The following UBXN1 variants were observed in gnomAD, a reference collection of about 807,000 sequenced individuals.
UBXN1 encodes UBX domain protein 1.
UBXN1 carries 21 observed loss-of-function variants against 42.0 expected under a neutral mutation model. The observed-to-expected ratio is 0.50, with a 90% CI of 0.35 to 0.72. The LOEUF (loss-of-function observed/expected upper bound fraction) is 0.72. Among genes scored for constraint, UBXN1 ranks in the 30% least tolerant of loss-of-function variants. UBXN1 has a pLI of 0.00. For missense variants in UBXN1, 374 were observed against 382.2 expected, an observed-to-expected ratio of 0.98 and a Z score of 0.18; for synonymous variants, 172 against 142.6, an observed-to-expected ratio of 1.21 and a Z score of -1.47.
chr11:62,678,167 G>A (rs745961869), intron 4 of UBXN1, 49 bp from the exon 5 acceptor site: 32 of 1,606,604 alleles, frequency 2.0e-5, no homozygotes, highest in African/African-American at 4.0e-5. Context: ...AGAGTGGGAA[G>A]GTGTAAAGTT....
chr11:62,678,779 C>T, intron 1 of UBXN1, 36 bp from the exon 2 acceptor site: 1 of 1,612,958 alleles, frequency 6.2e-7, no homozygotes, highest in Non-Finnish European at 8.5e-7. Flanking sequence ...CGCCCACGAG[C>T]CATGGTGACG....
chr11:62,678,368 ACTCAAAGCGGGTTTGC>A lies in UBXN1; in HGVS notation c.245_260del (p.Gly82ValfsTer72), dbSNP rs1240901289. 6.2e-7 allele frequency: 1 copy of A among 1,614,056 alleles called. No homozygotes were observed. On this transcript the variant is annotated frameshift_variant, in exon 4 of 9. Transcript: ENST00000301935. LOFTEE classifies it high-confidence loss of function. ...TAGTTTGTTCCTGTCTTTCCTCTTCACTCAAAGCGGGTTTGCCTTCTCCGGCAGCAGAACCAGATCC... is the reference window on the plus strand; with the variant it reads ...TAGTTTGTTCCTGTCTTTCCTCTTCACTTCTCCGGCAGCAGAACCAGATCC...
Position 62,677,916 on chromosome 11 carries a change from C to T in UBXN1, c.482+11G>A. 1.2e-6 allele frequency: 2 copies of T among 1,613,794 alleles called. No individual in the cohort carries two copies. The highest frequency in any genetic ancestry group is 1.7e-6 in the Non-Finnish European group (2 of 1,179,704). On this transcript the variant is annotated intron_variant, in intron 5 of 8. Transcript: ENST00000301935. ...TTCTCATCTGCTATCCATCATTTCCCCTGCCCAGACCTGGCTGCTAACTCC... is the reference window on the plus strand; with the variant it reads ...TTCTCATCTGCTATCCATCATTTCCTCTGCCCAGACCTGGCTGCTAACTCC...
Position 62,678,106 on chromosome 11 carries a change from C to G in UBXN1, c.303G>C (p.Leu101=), listed in dbSNP as rs1349435686. 2.5e-6 allele frequency: 4 copies of G among 1,613,984 alleles called. No individual in the cohort carries two copies. Among genetic ancestry groups the G allele is most frequent in the African/African-American group, 1.3e-5 (1 of 74,930 alleles). The change falls in exon 5 of 9, where the codon CTG becomes CTC. Residue 101 remains leucine, a synonymous_variant. Coordinates refer to ENST00000301935, the MANE Select transcript of UBXN1 (RefSeq NM_001286077.2). The stretch of plus-strand genomic sequence containing the variant: ...CACGCTCCCGCTGCTTCTGGGCCAC[C>G]AGCTCCAACATCCTGTGTTGCCGAG... ...RQEQTKRMLE[L]VAQKQREREE...
Position 62,676,830 on chromosome 11 carries a change from C to A in UBXN1, c.827G>T (p.Arg276Leu). Reference protein sequence around the residue: ...RRAFSEADMERPLQELGLVPS... With the variant: ...RRAFSEADMELPLQELGLVPS... ...AGCCATACCCAGCTCCTGCAGAGGC[C>A]GCTCCATGTCAGCTTCTGAGAAGGC... is the stretch of plus-strand genomic sequence containing the variant. Residue 276 changes from arginine to leucine, a missense_variant, in exon 8 of 9, where the codon CGG (arginine) becomes CTG (leucine). Transcript: ENST00000301935. 1 of 1,614,166 alleles carries A rather than the reference C, an allele frequency of 6.2e-7. No individual in the cohort carries two copies. Among genetic ancestry groups the A allele is most frequent in the Non-Finnish European group, 8.5e-7 (1 of 1,180,032 alleles).
rs370914438 is a variant in UBXN1 at position 62,678,617 on chromosome 11, G to C, written c.114-16C>G. 6.2e-6 allele frequency: 10 copies of C among 1,612,802 alleles called. No individual in the cohort carries two copies. Among genetic ancestry groups the C allele is most frequent in the Non-Finnish European group, 8.5e-6 (10 of 1,179,214 alleles). On this transcript the variant is annotated splice_polypyrimidine_tract_variant and intron_variant, in intron 2 of 8. Transcript: ENST00000301935. ...CTCCATCAGCCTGGCAGGGAAAGTG[G>C]GCGGGGAGGTTAGCTTTGAGGCTGC...
In UBXN1 at chr11:62,678,965, GAGA is replaced by G. The variant is rs1945094678; in HGVS notation, c.-45_-43del. 1.9e-6 allele frequency: 3 copies of G among 1,546,908 alleles called. No individual in the cohort carries two copies. Among genetic ancestry groups the G allele is most frequent in the Non-Finnish European group, 2.6e-6 (3 of 1,149,412 alleles). On this transcript the variant is annotated 5_prime_UTR_variant, in exon 1 of 9. Transcript: ENST00000301935. ...CTTCCGCGGGGACCTGGTGTGTGACGAGAAGGAGGGCGGGAAGGGTCAGCGCGA... is the reference window on the plus strand; with the variant it reads ...CTTCCGCGGGGACCTGGTGTGTGACGAGGAGGGCGGGAAGGGTCAGCGCGA...
Position 62,679,013 on chromosome 11 carries a change from C to A in UBXN1, c.-90G>T. 3 of 1,414,960 alleles carry A rather than the reference C, an allele frequency of 2.1e-6. No individual in the cohort carries two copies. The highest frequency in any genetic ancestry group is 2.9e-6 in the Non-Finnish European group (3 of 1,051,716). The allele number at this position is 1,414,960 out of a possible 1,614,324, so 87.7% of individuals were successfully genotyped here. A position where few individuals can be genotyped will look rare whatever the true frequency, so the allele number is the denominator to read the frequency against. On this transcript the variant is annotated 5_prime_UTR_variant, in exon 1 of 9. Transcript: ENST00000301935. ...GCGCGAGGCAACCCGCCCTCGACAC[C>A]CGCCGACGGGCGCTCGCTCTCTCAC...
At position 62,678,395 on chromosome 11, in the gene UBXN1, A is replaced by G; in HGVS notation, c.234T>C (p.Ala78=). The change falls in exon 4 of 9, where the codon GCT becomes GCC. Residue 78 remains alanine (A), a synonymous_variant. Transcript: ENST00000301935. The stretch of plus-strand genomic sequence containing the variant: ...TCAAAGCGGGTTTGCCTTCTCCGGC[A>G]GCAGAACCAGATCCTACAAACAAAC... ...EQGGLEGSGS[A]AGEGKPALSE... The G allele has an allele frequency of 6.2e-7, 1 of 1,614,112 alleles. No individual in the cohort carries two copies. The highest frequency in any genetic ancestry group is 8.5e-7 in the Non-Finnish European group (1 of 1,180,028).
intron 8 of UBXN1, 68 bp downstream of exon 8, chr11:62,676,745 T>C: frequency 6.2e-7 from 1 of 1,614,130 alleles, no homozygotes; most frequent in South Asian, 1.1e-5. Flanking sequence ...TTTGCATCCC[T>C]CCTTTTCCTA....
Position 62,679,022 on chromosome 11 carries a change from G to A in UBXN1, c.-99C>T, listed in dbSNP as rs1054639941. ...AACCCGCCCTCGACACCCGCCGACG[G>A]GCGCTCGCTCTCTCACCCGGCTCTA... On this transcript the variant is annotated 5_prime_UTR_variant, in exon 1 of 9. Transcript: ENST00000301935. The A allele has an allele frequency of 3.7e-6, 5 of 1,360,692 alleles. No homozygotes were observed. The highest frequency in any genetic ancestry group is 2.5e-4 in the Middle Eastern group (1 of 3,948). 84.3% of individuals were successfully genotyped at this position (1,360,692 alleles called of 1,614,324 possible).
rs745717839 is a variant in UBXN1, at chr11:62,676,858, G to A, written c.799C>T (p.Arg267Trp). 15 of 1,614,074 alleles carry A rather than the reference G, an allele frequency of 9.3e-6. No homozygotes were observed. The highest frequency in any genetic ancestry group is 2.2e-5 in the East Asian group (1 of 44,874). ...PVQLLSGFPRRAFSEADMERP... is the reference protein window; with the variant it reads ...PVQLLSGFPRWAFSEADMERP... ...TCCATGTCAGCTTCTGAGAAGGCCCGTCTGGGGAAGCCACTGAGCAATTGC... is the reference window on the plus strand; with the variant it reads ...TCCATGTCAGCTTCTGAGAAGGCCCATCTGGGGAAGCCACTGAGCAATTGC... Residue 267 changes from arginine (R) to tryptophan (W), a missense_variant, in exon 8 of 9, where the codon CGG (arginine) becomes TGG (tryptophan). Physicochemically the swap from Arg to Trp is moderately radical, Grantham distance 101. Coordinates refer to ENST00000301935, the MANE Select transcript of UBXN1 (RefSeq NM_001286077.2).
At chr11:62,678,834 C>G (rs778616559) in intron 1 of UBXN1, 31 bp downstream of exon 1, 1 of 1,608,984 alleles carries the variant, frequency 6.2e-7, no homozygotes. Flanking sequence ...ACCCCCCACA[C>G]CCGCAGGCCG....
rs775890682 is a variant in UBXN1, at chr11:62,678,861, T to C, written c.59+4A>G. The C allele has an allele frequency of 6.2e-7, 1 of 1,606,148 alleles. No homozygotes were observed. The highest frequency in any genetic ancestry group is 8.5e-7 in the Non-Finnish European group (1 of 1,177,808). ...CGCAGGCCGGGGTTGGGGAACTCCCTTACGCGCGTCCCCTGGGGAAGCCCA... is the reference window on the plus strand; with the variant it reads ...CGCAGGCCGGGGTTGGGGAACTCCCCTACGCGCGTCCCCTGGGGAAGCCCA... On this transcript the variant is annotated splice_donor_region_variant and intron_variant, in intron 1 of 8. Transcript: ENST00000301935.
intron 3 of UBXN1, 30 bp from the exon 4 acceptor site, chr11:62,678,438 C>T (rs1945076114): frequency 1.9e-6 from 3 of 1,614,098 alleles, no homozygotes; most frequent in Non-Finnish European, 2.5e-6. Context: ...ATTATTATCC[C>T]TTCAGATTCT....
chr11:62,678,105 C>A lies in UBXN1; in HGVS notation c.304G>T (p.Val102Leu). The change falls in exon 5 of 9, where the codon GTG (valine) becomes TTG (leucine). Residue 102 changes from valine (V) to leucine (L), a missense_variant. Physicochemically the swap from Val to Leu is conservative, Grantham distance 32. Coordinates refer to ENST00000301935, the MANE Select transcript of UBXN1 (RefSeq NM_001286077.2). ...QEQTKRMLEL[V>L]AQKQREREER... ...TCACGCTCCCGCTGCTTCTGGGCCA[C>A]CAGCTCCAACATCCTGTGTTGCCGA... The A allele has an allele frequency of 6.2e-7, 1 of 1,614,070 alleles. No homozygotes were observed. The highest frequency in any genetic ancestry group is 8.5e-7 in the Non-Finnish European group (1 of 1,180,004).
Position 62,678,513 on chromosome 11 carries a change from C to T in UBXN1, c.202G>A (p.Glu68Lys), listed in dbSNP as rs1355192649. The T allele has an allele frequency of 1.9e-6, 3 of 1,611,898 alleles. No homozygotes were observed. The highest frequency in any genetic ancestry group is 2.5e-6 in the Non-Finnish European group (3 of 1,178,886). ...HILGREPTSS[E>K]QGGLEGSGSA... ...TCAGGACCTTCAAGGCCGCCTTGCT[C>T]TGAGGAAGTGGGCTCCCGTCCCAGG... The change falls in exon 3 of 9, where the codon GAG becomes AAG. Residue 68 changes from glutamate (E) to lysine (K), a missense_variant. Transcript: ENST00000301935.
At chr11:62,678,808 C>G (rs1945090528) in intron 1 of UBXN1, 57 bp downstream of exon 1, 14 of 1,610,840 alleles carry the variant, frequency 8.7e-6, no homozygotes, top group Non-Finnish European at 1.2e-5. Context: ...GGGGCAAAGG[C>G]CGAGACAGGT....
At chr11:62,677,470 C>G in intron 7 of UBXN1, 48 bp downstream of exon 7, 1 of 1,596,854 alleles carries the variant, frequency 6.3e-7, no homozygotes, top group Non-Finnish European at 8.6e-7. Context: ...GGCACCTTAA[C>G]ACGGAACAAA....
Sources: allele counts gnomAD v4.1 joint callset, GRCh38; gene constraint gnomAD v4.1.1; transcripts MANE v1.5; gene names NCBI Gene and HGNC (gene_info 2026-07-23, HGNC 2026-07-21).